EEA1: variants seen among roughly 807,000 people sequenced by gnomAD.
EEA1 encodes the protein early endosome antigen 1, also known as early endosome antigen 1, 162kD.
EEA1 carries 111 observed loss-of-function variants against 209.2 expected under a neutral mutation model. The observed-to-expected ratio is 0.53, with a 90% CI of 0.45 to 0.62. The LOEUF (loss-of-function observed/expected upper bound fraction) is 0.62. EEA1 is among the 20% of genes least tolerant of loss of function. The pLI is 0.00. For missense variants in EEA1, 1,343 were observed against 1,530.8 expected, an observed-to-expected ratio of 0.88 and a Z score of 2.05; for synonymous variants, 536 against 540.6, an observed-to-expected ratio of 0.99 and a Z score of 0.12.
At chr12:92,778,749 A>G (rs1276860843) in intron 25 of EEA1, among the ~76,000 whole-genome samples, 2 of 152,044 alleles carry the variant, frequency 1.3e-5, no homozygotes, top group South Asian at 4.1e-4. Flanking sequence ...TTCAAACTCA[A>G]GTTTCCGCTC....
intron 2 of EEA1, among the ~76,000 whole-genome samples, chr12:92,880,004 T>C (rs1310030752): frequency 6.6e-6 from 1 of 152,226 alleles, no homozygotes; most frequent in East Asian, 1.9e-4. Flanking sequence ...CCCAGACTCT[T>C]GATACTACCA....
intron 22 of EEA1, among the ~76,000 whole-genome samples, chr12:92,787,140 A>C (rs1874168899): frequency 6.6e-6 from 1 of 152,182 alleles, no homozygotes; most frequent in Non-Finnish European, 1.5e-5. Context: ...AGAATTTTGC[A>C]ATATGCACTT....
At chr12:92,801,257 A>T (rs182020163) in intron 20 of EEA1, among the ~76,000 whole-genome samples, 2 of 152,200 alleles carry the variant, frequency 1.3e-5, no homozygotes, top group Admixed American at 1.3e-4. Context: ...TTTTTTTTCA[A>T]CCATAAAAAT....
At chr12:92,778,846 G>A (rs964268053) in intron 25 of EEA1, among the ~76,000 whole-genome samples, 2 of 151,988 alleles carry the variant, frequency 1.3e-5, no homozygotes, top group African/African-American at 2.4e-5. Flanking sequence ...TAGTTGTGGG[G>A]TTGTTTAGCT....
intron 1 of EEA1, among the ~76,000 whole-genome samples, chr12:92,899,132 A>C (rs1331894872): frequency 5.8e-4 from 1 of 1,714 alleles, no homozygotes; most frequent in Admixed American, 0.012. Flanking sequence ...CCAAAGGCAA[A>C]AAAAAAAAAA....
intron 1 of EEA1, among the ~76,000 whole-genome samples, chr12:92,904,501 A>T (rs546634549): frequency 3.3e-5 from 5 of 152,288 alleles, no homozygotes; most frequent in Admixed American, 6.5e-5. Flanking sequence ...GAATTCTGAC[A>T]CTATCTGGAA....
chr12:92,927,678 C>T (rs1254434467), intron 1 of EEA1, among the ~76,000 whole-genome samples: 13 of 152,166 alleles, frequency 8.5e-5, no homozygotes, highest in Admixed American at 8.5e-4. Flanking sequence ...ATCAGTTCCT[C>T]CAGGTCTGAT....
At chr12:92,883,265 G>A (rs1187527391) in intron 2 of EEA1, among the ~76,000 whole-genome samples, 1 of 152,022 alleles carries the variant, frequency 6.6e-6, no homozygotes, top group Non-Finnish European at 1.5e-5. Flanking sequence ...CTTTTTGCTT[G>A]TTCAATTGTT....
intron 2 of EEA1, among the ~76,000 whole-genome samples, chr12:92,888,013 A>T (rs1008506267): frequency 6.6e-6 from 1 of 152,208 alleles, no homozygotes; most frequent in Non-Finnish European, 1.5e-5. Flanking sequence ...TGGCTGATTA[A>T]TTATAAAAAA....
intron 13 of EEA1, among the ~76,000 whole-genome samples, chr12:92,823,066 C>G (rs1876130715): frequency 6.6e-6 from 1 of 152,206 alleles, no homozygotes; most frequent in African/African-American, 2.4e-5. Flanking sequence ...ATGACTTCAA[C>G]AACTGCTTGA....
At chr12:92,925,106 A>C (rs1424604014) in intron 1 of EEA1, among the ~76,000 whole-genome samples, 1 of 151,218 alleles carries the variant, frequency 6.6e-6, no homozygotes, top group Non-Finnish European at 1.5e-5. Context: ...CTGGACGCTA[A>C]ACTCCACAAA....
intron 3 of EEA1, chr12:92,859,035 T>C: frequency 2.9e-6 from 2 of 694,010 alleles, no homozygotes; most frequent in East Asian, 5.0e-5. Context: ...CGGTTCTTGT[T>C]CAGGTCTCTT....
chr12:92,835,619 G>A (rs973222946), intron 10 of EEA1, among the ~76,000 whole-genome samples: 2 of 151,574 alleles, frequency 1.3e-5, no homozygotes, highest in Non-Finnish European at 2.9e-5. Context: ...CACCATGTTG[G>A]CCAAGCTGGT....
rs1875489225 is a variant in EEA1 at position 92,811,333 on chromosome 12, T to C, written c.2145A>G (p.Lys715=). 1 of 1,604,192 alleles carries C rather than the reference T, an allele frequency of 6.2e-7. No individual in the cohort carries two copies. The highest frequency in any genetic ancestry group is 1.7e-4 in the Middle Eastern group (1 of 6,018). ...TCTGTTCTAAAGAGAGGTATTTCTCTTTATATTCTTTAAGATGACTTTCCA... is the reference window on the plus strand; with the variant it reads ...TCTGTTCTAAAGAGAGGTATTTCTCCTTATATTCTTTAAGATGACTTTCCA... The part of the protein sequence containing the change: ...SQLESHLKEY[K]EKYLSLEQKT... Residue 715 remains lysine, a synonymous_variant, in exon 17 of 29, where the codon AAA becomes AAG. Coordinates refer to ENST00000322349, the MANE Select transcript of EEA1 (RefSeq NM_003566.4).
chr12:92,911,676 C>T (rs542063623), intron 1 of EEA1, among the ~76,000 whole-genome samples: 1 of 152,316 alleles, frequency 6.6e-6, no homozygotes, highest in African/African-American at 2.4e-5. Context: ...CGAATCATAA[C>T]AAATGTACCA....
chr12:92,899,663 C>T (rs1309396420), intron 1 of EEA1, among the ~76,000 whole-genome samples: 3 of 152,214 alleles, frequency 2.0e-5, no homozygotes, highest in Non-Finnish European at 4.4e-5. Context: ...TGAATAGGGT[C>T]AGCTTTTAAT....
At chr12:92,861,330 C>A (rs1332135110) in intron 3 of EEA1, among the ~76,000 whole-genome samples, 1 of 152,156 alleles carries the variant, frequency 6.6e-6, no homozygotes, top group African/African-American at 2.4e-5. Context: ...TGGCGCATGC[C>A]TGTATTCCCA....
chr12:92,888,969 G>C (rs1879542379), intron 2 of EEA1, among the ~76,000 whole-genome samples: 1 of 151,910 alleles, frequency 6.6e-6, no homozygotes, highest in South Asian at 2.1e-4. Context: ...GGTCAACATG[G>C]TGAAACCCTG....
At chr12:92,906,094 T>TTTTC (rs1880375768) in intron 1 of EEA1, among the ~76,000 whole-genome samples, 3 of 77,216 alleles carry the variant, frequency 3.9e-5, no homozygotes, top group Middle Eastern at 5.3e-3. Flanking sequence ...TTTTCTTTTC[T>TTTTC]TTTTTTTTTT....
Sources: gnomAD v4.1 joint callset for allele counts (sites outside exome capture counted in the v4.1 genomes callset) on GRCh38, gnomAD v4.1.1 for gene constraint, MANE v1.5 for transcripts, NCBI Gene and HGNC (gene_info 2026-07-23, HGNC 2026-07-21) for gene names.